Variants in CSMD1 observed in about 807,000 individuals in gnomAD.
CSMD1 encodes CUB and sushi domain-containing protein 1.
Under a neutral mutation model 417.5 loss-of-function variants are expected in CSMD1, and 213 were observed. The ratio of observed to expected loss-of-function variants is 0.51; its 90% confidence interval spans 0.46 to 0.57. The LOEUF is 0.57. Among genes scored for constraint, CSMD1 ranks in the 20% least tolerant of loss-of-function variants. The probability of loss-of-function intolerance (pLI) is 0.00; values close to 1 mark genes in which losing one functional copy is unlikely to be tolerated. For missense variants in CSMD1, 6,923 were observed against 4,529.7 expected (o/e 1.53, Z -15.17); for synonymous variants, 2,862 against 1,736.8 (o/e 1.65, Z -16.11).
chr8:2,978,574 G>A (rs745731245), intron 55 of CSMD1, 38 bp downstream of exon 55: 2 of 1,488,450 alleles, frequency 1.3e-6, no homozygotes, highest in African/African-American at 1.4e-5. Flanking sequence ...GACCTTGCAG[G>A]GGTCTCTGCA....
At chr8:4,224,973 G>A (rs1393530889) in intron 3 of CSMD1, among the ~76,000 whole-genome samples, 10 of 152,124 alleles carry the variant, frequency 6.6e-5, no homozygotes, top group African/African-American at 1.7e-4. Flanking sequence ...TTAGTTGGGC[G>A]TGGTGCCGTG....
At chr8:3,819,958 G>T (rs900977070) in intron 5 of CSMD1, among the ~76,000 whole-genome samples, 1 of 152,230 alleles carries the variant, frequency 6.6e-6, no homozygotes. Flanking sequence ...ATAATTCATC[G>T]TTTCCCGAAT....
intron 3 of CSMD1, among the ~76,000 whole-genome samples, chr8:4,181,258 G>T (rs1048767949): frequency 2.6e-5 from 4 of 152,062 alleles, no homozygotes; most frequent in Non-Finnish European, 4.4e-5. Flanking sequence ...CACCCTGAAC[G>T]TGCCCAATCT....
intron 11 of CSMD1, among the ~76,000 whole-genome samples, 158 bp downstream of exon 11, chr8:3,493,465 T>A (rs150561162): frequency 3.3e-5 from 5 of 152,290 alleles, no homozygotes; most frequent in Non-Finnish European, 7.3e-5. Flanking sequence ...CATAATGTGT[T>A]CTCATACAAA....
chr8:3,215,625 C>G (rs1208495635), intron 29 of CSMD1, among the ~76,000 whole-genome samples: 1 of 152,184 alleles, frequency 6.6e-6, no homozygotes, highest in Non-Finnish European at 1.5e-5. Context: ...AAATACAAAA[C>G]CTTTTTTCTT....
At chr8:4,185,162 A>G (rs1178626373) in intron 3 of CSMD1, among the ~76,000 whole-genome samples, 1 of 123,532 alleles carries the variant, frequency 8.1e-6, no homozygotes, top group Non-Finnish European at 1.8e-5. Flanking sequence ...AAAAAAAAAA[A>G]GCAAACGAAG....
intron 10 of CSMD1, among the ~76,000 whole-genome samples, chr8:3,558,581 A>ACGG (rs1563152878): frequency 6.9e-6 from 1 of 145,186 alleles, no homozygotes; most frequent in African/African-American, 2.7e-5. Flanking sequence ...GCAATGATGA[A>ACGG]TGGTGTCTCA....
chr8:3,174,551 T>A (rs1251529945), intron 37 of CSMD1, among the ~76,000 whole-genome samples: 1 of 152,180 alleles, frequency 6.6e-6, no homozygotes, highest in Non-Finnish European at 1.5e-5. Flanking sequence ...TTCTATATTT[T>A]CTAGAAAAAT....
chr8:4,185,693 G>A (rs1382325795), intron 3 of CSMD1, among the ~76,000 whole-genome samples: 1 of 152,242 alleles, frequency 6.6e-6, no homozygotes, highest in Non-Finnish European at 1.5e-5. Flanking sequence ...TGTCTAGTTT[G>A]AAGACATGTA....
intron 7 of CSMD1, among the ~76,000 whole-genome samples, chr8:3,647,175 G>A (rs1797618257): frequency 6.6e-6 from 1 of 152,108 alleles, no homozygotes; most frequent in South Asian, 2.1e-4. Flanking sequence ...TGCAACTCAA[G>A]TTCAAGAGGC....
chr8:3,198,073 T>C (rs1252802390), intron 33 of CSMD1, among the ~76,000 whole-genome samples: 1 of 152,220 alleles, frequency 6.6e-6, no homozygotes, highest in African/African-American at 2.4e-5. Context: ...TGTTCTTTTC[T>C]TTCTACTTTT....
chr8:4,434,790 C>G (rs553211842), intron 2 of CSMD1, among the ~76,000 whole-genome samples: 1 of 152,146 alleles, frequency 6.6e-6, no homozygotes, highest in Non-Finnish European at 1.5e-5. Flanking sequence ...ACTCCAGACC[C>G]TGCACCGCCC....
chr8:4,044,857 C>A (rs531657668), intron 3 of CSMD1, among the ~76,000 whole-genome samples: 2 of 131,626 alleles, frequency 1.5e-5, no homozygotes, highest in South Asian at 2.6e-4. Context: ...ATGCTGGGGA[C>A]TGCACCATCC....
intron 3 of CSMD1, among the ~76,000 whole-genome samples, chr8:4,287,810 C>A (rs886403817): frequency 5.9e-5 from 9 of 151,988 alleles, no homozygotes; most frequent in Admixed American, 6.6e-5. Flanking sequence ...TCCAACCTCT[C>A]TGTGGCCCAC....
intron 41 of CSMD1, among the ~76,000 whole-genome samples, chr8:3,139,887 T>C (rs1818326482): frequency 6.7e-6 from 1 of 148,730 alleles, no homozygotes. Flanking sequence ...TTTTCTTTCT[T>C]TTTTCTTTTC....
intron 5 of CSMD1, among the ~76,000 whole-genome samples, chr8:3,873,891 G>C (rs149035365): frequency 8.5e-4 from 130 of 152,242 alleles, no homozygotes; most frequent in African/African-American, 3.1e-3. Flanking sequence ...TGGCTGAACT[G>C]GGGGAGGTCA....
chr8:4,209,742 C>A (rs1044953025), intron 3 of CSMD1, among the ~76,000 whole-genome samples: 1 of 152,178 alleles, frequency 6.6e-6, no homozygotes, highest in Non-Finnish European at 1.5e-5. Flanking sequence ...TGTCCTGCTC[C>A]TAGCACAGCA....
intron 1 of CSMD1, among the ~76,000 whole-genome samples, chr8:4,924,063 G>A (rs1268025729): frequency 6.6e-6 from 1 of 152,176 alleles, no homozygotes; most frequent in Non-Finnish European, 1.5e-5. Flanking sequence ...ACTGTAGGCA[G>A]AAAAGTGATG....
rs145233213 is a variant in CSMD1, at chr8:3,861,825, G to C, written c.819-107783C>G. Among the ~76,000 whole-genome samples the C allele has an allele frequency of 2.6e-5, 4 of 152,236 alleles. No individual in the cohort carries two copies. The East Asian group carries it at 7.7e-4, about 29-fold the overall frequency. On this transcript the variant is annotated intron_variant, in intron 5 of 69. Coordinates refer to ENST00000635120, the MANE Select transcript of CSMD1 (RefSeq NM_033225.6). ...TTCTAAGTGTGCCGATTACAGATGT[G>C]ACCTATGAAGCCACTGGCTTTTAAA...
Sources: gnomAD v4.1 joint callset for allele counts (sites outside exome capture counted in the v4.1 genomes callset) on GRCh38, gnomAD v4.1.1 for gene constraint, MANE v1.5 for transcripts, NCBI Gene and HGNC (gene_info 2026-07-23, HGNC 2026-07-21) for gene names.